TBPL2: variants seen among roughly 807,000 people sequenced by gnomAD.
TBPL2 encodes TATA box-binding protein-like 2.
A neutral mutation model predicts 38.2 loss-of-function variants in TBPL2; 40 were observed. The ratio of observed to expected loss-of-function variants is 1.05; its 90% CI spans 0.81 to 1.36. The LOEUF (loss-of-function observed/expected upper bound fraction) is 1.36. Ranked by LOEUF, TBPL2 falls within the 40% of genes most tolerant of loss-of-function variation. The probability of loss-of-function intolerance (pLI) is 0.00; values close to 1 mark genes in which losing one functional copy is unlikely to be tolerated. For synonymous variants in TBPL2, 169 were observed against 171.7 expected (o/e 0.98, Z 0.12); for missense variants, 461 against 456.7 (o/e 1.01, Z -0.09).
exon 5 of TBPL2, chr14:55,428,880 T>C (rs1885875820): frequency 3.1e-6 from 5 of 1,614,094 alleles, no homozygotes; most frequent in Non-Finnish European, 4.2e-6. Flanking sequence ...CTTCCAACCA[T>C]GTTCTGAATT....
intron 2 of TBPL2, 37 bp downstream of exon 2, chr14:55,436,524 C>A: frequency 6.5e-7 from 1 of 1,548,866 alleles, no homozygotes; most frequent in Non-Finnish European, 8.9e-7. Flanking sequence ...AAAATGTGTA[C>A]CCAATGTGCT....
chr14:55,420,450 T>G (rs1043900358), intron 6 of TBPL2, among the ~76,000 whole-genome samples: 11 of 152,216 alleles, frequency 7.2e-5, no homozygotes, highest in African/African-American at 2.7e-4. Flanking sequence ...TAACCTAAAC[T>G]GCGTAGCTCT....
At chr14:55,423,883 A>G (rs540025698) in intron 6 of TBPL2, among the ~76,000 whole-genome samples, 1 of 152,362 alleles carries the variant, frequency 6.6e-6, no homozygotes, top group South Asian at 2.1e-4. Context: ...AGTTTGTAAC[A>G]GTAAGTTTAA....
chr14:55,437,781 T>C (rs1186831197), intron 1 of TBPL2, among the ~76,000 whole-genome samples: 1 of 152,246 alleles, frequency 6.6e-6, no homozygotes, highest in African/African-American at 2.4e-5. Context: ...GTTTAAGATA[T>C]AGTTGAATGC....
chr14:55,426,724 A>G (rs928026225), intron 5 of TBPL2, among the ~76,000 whole-genome samples: 6 of 151,902 alleles, frequency 3.9e-5, no homozygotes, highest in South Asian at 2.1e-4. Flanking sequence ...AAAAAAAAAA[A>G]AAGAAAAGAA....
intron 1 of TBPL2, among the ~76,000 whole-genome samples, chr14:55,437,240 G>A (rs1225535884): frequency 1.3e-5 from 2 of 152,268 alleles, no homozygotes; most frequent in African/African-American, 4.8e-5. Context: ...ACTTTGGAAG[G>A]CTGAGGCAGG....
At chr14:55,434,929 T>C (rs1885989126) in intron 3 of TBPL2, among the ~76,000 whole-genome samples, 1 of 152,230 alleles carries the variant, frequency 6.6e-6, no homozygotes. Context: ...TACTCATCTT[T>C]GTACTCCTAA....
chr14:55,432,916 A>T (rs1487357818), intron 4 of TBPL2, among the ~76,000 whole-genome samples: 5 of 152,218 alleles, frequency 3.3e-5, no homozygotes, highest in Admixed American at 6.5e-5. Context: ...ATGCAAGCTA[A>T]TGCTCAAGGA....
intron 3 of TBPL2, among the ~76,000 whole-genome samples, chr14:55,433,946 ATG>A (rs1285674545): frequency 2.6e-5 from 4 of 152,196 alleles, no homozygotes; most frequent in African/African-American, 9.7e-5. Flanking sequence ...AATGCCTGTT[ATG>A]TTTCAGTTCC....
chr14:55,419,551 G>A (rs1207507353), intron 6 of TBPL2, among the ~76,000 whole-genome samples: 2 of 152,162 alleles, frequency 1.3e-5, no homozygotes, highest in African/African-American at 4.8e-5. Context: ...GTGTAAGCTG[G>A]GCCCAGGTCC....
chr14:55,420,282 G>C (rs1885723273), intron 6 of TBPL2, among the ~76,000 whole-genome samples: 1 of 152,202 alleles, frequency 6.6e-6, no homozygotes, highest in African/African-American at 2.4e-5. Context: ...TGTTGGCCAG[G>C]CTGGTCTTGA....
At chr14:55,436,239 A>G (rs931039720) in intron 2 of TBPL2, among the ~76,000 whole-genome samples, 16 of 152,222 alleles carry the variant, frequency 1.1e-4, no homozygotes, top group African/African-American at 3.9e-4. Flanking sequence ...TCAATTTTAC[A>G]TCTTTATATC....
Position 55,435,940 on chromosome 14 carries a change from G to T in TBPL2, c.609-6C>A. 1 of 1,490,808 alleles carries T rather than the reference G, an allele frequency of 6.7e-7. No homozygotes were observed. The allele number at this position is 1,490,808 out of a possible 1,614,324, so 92.3% of individuals were successfully genotyped here. On this transcript the variant is annotated splice_region_variant and splice_polypyrimidine_tract_variant and intron_variant, in intron 2 of 6. Coordinates refer to ENST00000247219, the Ensembl canonical transcript of TBPL2. ...TTACAGTGGAAACTATATTCCTGAA[G>T]AAATAAGTCAGTTTAGAAACTTATA...
At chr14:55,439,544 C>CT (rs1886072281) in intron 1 of TBPL2, among the ~76,000 whole-genome samples, 1 of 149,526 alleles carries the variant, frequency 6.7e-6, no homozygotes, top group Admixed American at 6.8e-5. Flanking sequence ...AATCCCAGCA[C>CT]TTCGGGAGGC....
intron 4 of TBPL2, among the ~76,000 whole-genome samples, chr14:55,429,288 C>G (rs1416826578): frequency 6.6e-6 from 1 of 152,128 alleles, no homozygotes; most frequent in Non-Finnish European, 1.5e-5. Context: ...AAAGTGTGTC[C>G]CCAGACCAGC....
At chr14:55,425,550 A>G (rs780947415) in intron 5 of TBPL2, among the ~76,000 whole-genome samples, 62 of 152,336 alleles carry the variant, frequency 4.1e-4, no homozygotes, top group Non-Finnish European at 7.6e-4. Context: ...TCTCTGCCTC[A>G]TTCCAAAAGA....
chr14:55,430,916 G>A (rs557045419), intron 4 of TBPL2, among the ~76,000 whole-genome samples: 22 of 152,116 alleles, frequency 1.4e-4, no homozygotes, highest in Admixed American at 3.3e-4. Context: ...AGTTTGCATA[G>A]TCCTGTAGTT....
At chr14:55,437,293 T>A (rs1167439915) in intron 1 of TBPL2, among the ~76,000 whole-genome samples, 1 of 152,232 alleles carries the variant, frequency 6.6e-6, no homozygotes, top group Admixed American at 6.5e-5. Context: ...GCCTGGCCAA[T>A]GTGGTGAAAC....
exon 5 of TBPL2, chr14:55,428,968 C>G (rs1566593037): frequency 1.2e-6 from 2 of 1,614,026 alleles, no homozygotes; most frequent in Non-Finnish European, 1.7e-6. Context: ...GTCGAGACTG[C>G]TCTTCACTGG....
Sources: allele counts gnomAD v4.1 joint callset (sites outside exome capture counted in the v4.1 genomes callset), GRCh38; gene constraint gnomAD v4.1.1; transcripts MANE v1.5; gene names NCBI Gene and HGNC (gene_info 2026-07-23, HGNC 2026-07-21).